The following AK9 variants were observed in gnomAD, a reference collection of about 807,000 sequenced individuals.
AK9 encodes the protein adenylate kinase 9.
Under a neutral mutation model 239.6 loss-of-function variants are expected in AK9, and 191 were observed. The observed-to-expected ratio is 0.80, with a 90% CI of 0.71 to 0.90. AK9 has a LOEUF of 0.90. Among genes scored for constraint, AK9 ranks in the 40% least tolerant of loss-of-function variants. The pLI, the probability that AK9 is intolerant of heterozygous loss-of-function variation, is 0.00. For missense variants in AK9, 1,995 were observed against 2,214.7 expected, an observed-to-expected ratio of 0.90 and a Z score of 1.99; for synonymous variants, 689 against 721.0, an observed-to-expected ratio of 0.96 and a Z score of 0.71.
intron 10 of AK9, among the ~76,000 whole-genome samples, chr6:109,638,555 A>T (rs776119554): frequency 7.2e-5 from 11 of 152,160 alleles, no homozygotes; most frequent in Non-Finnish European, 1.5e-4. Flanking sequence ...ATCATGGCTC[A>T]CTGCAGCCTC....
At chr6:109,538,519 TC>T (rs1782355140) in intron 27 of AK9, among the ~76,000 whole-genome samples, 1 of 152,200 alleles carries the variant, frequency 6.6e-6, no homozygotes, top group African/African-American at 2.4e-5. Context: ...GAGATGGGTC[TC>T]CTGAATACAG....
intron 29 of AK9, among the ~76,000 whole-genome samples, chr6:109,526,881 G>A (rs1002705398): frequency 2.0e-5 from 3 of 152,186 alleles, no homozygotes; most frequent in African/African-American, 7.2e-5. Context: ...TCTCCCTAGA[G>A]GATCCTGGAG....
intron 17 of AK9, among the ~76,000 whole-genome samples, chr6:109,591,054 T>G (rs943373444): frequency 1.3e-5 from 2 of 152,178 alleles, no homozygotes; most frequent in Non-Finnish European, 2.9e-5. Context: ...GAGTCCAATT[T>G]AAGCCTAGAG....
chr6:109,522,255 C>T (rs1329821685), intron 29 of AK9, among the ~76,000 whole-genome samples: 1 of 152,002 alleles, frequency 6.6e-6, no homozygotes, highest in Non-Finnish European at 1.5e-5. Flanking sequence ...GTGTCTAATG[C>T]ACATTTCTTT....
At chr6:109,684,602 C>T (rs141182164) in intron 1 of AK9, among the ~76,000 whole-genome samples, 2,252 of 151,552 alleles carry the variant, frequency 0.015, 25 homozygotes, top group Non-Finnish European at 0.022. Context: ...AGGCCGGGCG[C>T]GGTGGCTCAC....
chr6:109,601,588 A>T (rs1791973877), intron 17 of AK9, among the ~76,000 whole-genome samples: 2 of 152,170 alleles, frequency 1.3e-5, no homozygotes, highest in African/African-American at 4.8e-5. Context: ...GTAGATGTCT[A>T]TTAGGTCCAC....
At chr6:109,531,111 G>A (rs945314133) in intron 28 of AK9, among the ~76,000 whole-genome samples, 11 of 152,204 alleles carry the variant, frequency 7.2e-5, no homozygotes, top group African/African-American at 2.7e-4. Flanking sequence ...TGTGGTGGCT[G>A]CTGCAGAGAA....
At chr6:109,641,119 C>G (rs1379241525) in intron 10 of AK9, among the ~76,000 whole-genome samples, 1 of 146,680 alleles carries the variant, frequency 6.8e-6, no homozygotes, top group East Asian at 2.0e-4. Flanking sequence ...ATTAAGGCCA[C>G]AACATACATA....
chr6:109,543,449 T>C (rs1217886106), intron 26 of AK9, among the ~76,000 whole-genome samples: 1 of 152,148 alleles, frequency 6.6e-6, no homozygotes, highest in Non-Finnish European at 1.5e-5. Context: ...TGGACTGACA[T>C]ACTTTTTTCT....
chr6:109,620,697 T>C (rs2128249538), intron 12 of AK9, among the ~76,000 whole-genome samples: 1 of 152,120 alleles, frequency 6.6e-6, no homozygotes, highest in African/African-American at 2.4e-5. Flanking sequence ...ATGCATAGTA[T>C]TGCATCAGAT....
intron 29 of AK9, among the ~76,000 whole-genome samples, chr6:109,523,587 C>T (rs954107242): frequency 1.3e-5 from 2 of 152,006 alleles, no homozygotes; most frequent in African/African-American, 4.8e-5. Context: ...GTTCATTTGC[C>T]GAGAGGGCAG....
chr6:109,623,451 A>T (rs1455080876), intron 12 of AK9, among the ~76,000 whole-genome samples: 1 of 152,132 alleles, frequency 6.6e-6, no homozygotes, highest in Admixed American at 6.6e-5. Context: ...CTATGAAGAG[A>T]TCTACATAGA....
At chr6:109,554,138 T>C (rs944417898) in intron 24 of AK9, among the ~76,000 whole-genome samples, 1 of 152,198 alleles carries the variant, frequency 6.6e-6, no homozygotes, top group Non-Finnish European at 1.5e-5. Context: ...TTGGTGTTTA[T>C]CAGGGATATT....
At chr6:109,651,946 C>A (rs1305126763) in intron 8 of AK9, among the ~76,000 whole-genome samples, 2 of 152,086 alleles carry the variant, frequency 1.3e-5, no homozygotes, top group Non-Finnish European at 2.9e-5. Flanking sequence ...CAGGACCTGA[C>A]GGATTCACAG....
Position 109,656,873 on chromosome 6 carries a change from G to A in AK9, c.642C>T (p.Ala214=), listed in dbSNP as rs1316735131. The A allele has an allele frequency of 9.3e-6, 15 of 1,612,060 alleles. No individual in the cohort carries two copies. The highest frequency in any genetic ancestry group is 1.7e-4 in the Middle Eastern group (1 of 6,048). ...GAATTTCAGCCACCATCTGCATTTC[G>A]GCAATAAATGCCTAAATGGAAAAGA... ...EEQEEEEAFI[A]EMQMVAEILH... The change falls in exon 8 of 41, where the codon GCC becomes GCT. Residue 214 remains alanine (A), a synonymous_variant. Transcript: ENST00000424296.
At chr6:109,617,716 T>C (rs937485064) in intron 13 of AK9, among the ~76,000 whole-genome samples, 3 of 152,162 alleles carry the variant, frequency 2.0e-5, no homozygotes, top group South Asian at 2.1e-4. Context: ...GCGTATACCA[T>C]AGGATCACAA....
intron 31 of AK9, among the ~76,000 whole-genome samples, chr6:109,515,197 C>T (rs765842110): frequency 4.6e-5 from 7 of 152,126 alleles, no homozygotes; most frequent in Non-Finnish European, 8.8e-5. Context: ...CGATTGGGTT[C>T]TTGGGTTATC....
intron 38 of AK9, 111 bp from the exon 39 acceptor site, chr6:109,495,551 G>C: frequency 2.9e-6 from 2 of 686,334 alleles, no homozygotes; most frequent in Non-Finnish European, 4.4e-6. Context: ...TTCTGCACTG[G>C]AGAAAATGAT....
chr6:109,677,521 A>T (rs1340407061), intron 1 of AK9, among the ~76,000 whole-genome samples: 1 of 152,116 alleles, frequency 6.6e-6, no homozygotes, highest in Non-Finnish European at 1.5e-5. Context: ...TAAAATTAAG[A>T]GTCTGTGTGT....
Sources: allele counts gnomAD v4.1 joint callset (sites outside exome capture counted in the v4.1 genomes callset), GRCh38; gene constraint gnomAD v4.1.1; transcripts MANE v1.5; gene names NCBI Gene and HGNC (gene_info 2026-07-23, HGNC 2026-07-21).